The following MMAA variants were observed in gnomAD, a reference collection of about 807,000 sequenced individuals.
The protein encoded by MMAA is methylmalonic aciduria type A protein, mitochondrial.
A neutral mutation model predicts 45.0 loss-of-function variants in MMAA; 41 were observed. That is an observed-to-expected ratio of 0.91 (90% CI 0.71 to 1.18). The LOEUF (loss-of-function observed/expected upper bound fraction) is 1.18, where lower values mean the gene tolerates loss of function less well. Among genes scored for constraint, MMAA ranks in the 50% most tolerant of loss-of-function variants. The pLI is 0.00. For missense variants in MMAA, 460 were observed against 495.7 expected, an observed-to-expected ratio of 0.93 and a Z score of 0.68; for synonymous variants, 154 against 178.2, an observed-to-expected ratio of 0.86 and a Z score of 1.08.
intron 1 of MMAA, among the ~76,000 whole-genome samples, chr4:145,623,378 A>G (rs143930325): frequency 0.012 from 1,830 of 152,328 alleles, 21 homozygotes; most frequent in Non-Finnish European, 0.021. Context: ...TTTGAACCCC[A>G]CAGGTGTGTA....
chr4:145,620,549 C>T (rs562303822), intron 1 of MMAA, among the ~76,000 whole-genome samples: 1 of 152,280 alleles, frequency 6.6e-6, no homozygotes, highest in Admixed American at 6.5e-5. Flanking sequence ...TTAGTTAACA[C>T]ACACCTTCTG....
At position 145,655,666 on chromosome 4, in the gene MMAA, C is replaced by CCTG. The variant is rs1299899292; in HGVS notation, c.*233_*235dup. 5 of 431,004 alleles carry CCTG rather than the reference C, an allele frequency of 1.2e-5. No homozygotes were observed. The highest frequency in any genetic ancestry group is 2.0e-5 in the Non-Finnish European group (5 of 244,150). 26.7% of individuals were successfully genotyped at this position (431,004 alleles called of 1,614,324 possible). On this transcript the variant is annotated 3_prime_UTR_variant, in exon 7 of 7. Transcript: ENST00000649156. ...TATCTGTTTCCTTCTCTTCTTATAC[C>CCTG]CTGGCATGGTGGCCTGTAGGGTAGT...
At chr4:145,624,935 T>C in intron 1 of MMAA, 3 of 1,295,206 alleles carry the variant, frequency 2.3e-6, no homozygotes, top group Non-Finnish European at 3.4e-6. Flanking sequence ...ATTGCCCACG[T>C]TTTCCAACTC....
At chr4:145,621,091 G>T (rs953555082) in intron 1 of MMAA, among the ~76,000 whole-genome samples, 1 of 152,162 alleles carries the variant, frequency 6.6e-6, no homozygotes, top group Non-Finnish European at 1.5e-5. Context: ...TTTCTTAGAG[G>T]TGATTAGCAC....
intron 1 of MMAA, among the ~76,000 whole-genome samples, chr4:145,628,934 GA>G (rs751974242): frequency 4.6e-5 from 7 of 152,086 alleles, no homozygotes; most frequent in Non-Finnish European, 7.4e-5. Flanking sequence ...TAACATTTTT[GA>G]AAAAGGTGTC....
intron 1 of MMAA, among the ~76,000 whole-genome samples, chr4:145,635,567 G>T (rs1727588593): frequency 1.3e-5 from 2 of 152,190 alleles, no homozygotes; most frequent in African/African-American, 2.4e-5. Context: ...CTGCTATCGT[G>T]CTCTGACCCT....
intron 1 of MMAA, among the ~76,000 whole-genome samples, chr4:145,629,164 G>A (rs939791998): frequency 7.9e-5 from 12 of 151,882 alleles, no homozygotes; most frequent in African/African-American, 2.2e-4. Flanking sequence ...ACAGAGTCTC[G>A]CTGTCGCCCA....
chr4:145,630,906 C>T (rs1433506486), intron 1 of MMAA, among the ~76,000 whole-genome samples: 1 of 151,994 alleles, frequency 6.6e-6, no homozygotes, highest in Non-Finnish European at 1.5e-5. Flanking sequence ...CTTCATTGAC[C>T]CAGTGTTCAT....
rs33978754 is a variant in MMAA, at chr4:145,658,691, C to CAAAAAAA, written c.*3268_*3274dup. 2.3e-5 allele frequency: 2 copies of CAAAAAAA among 88,712 alleles called. No homozygotes were observed. The highest frequency in any genetic ancestry group is 3.6e-5 in the African/African-American group (1 of 27,404). 5.5% of individuals were successfully genotyped at this position (88,712 alleles called of 1,614,324 possible). On this transcript the variant is annotated 3_prime_UTR_variant, in exon 7 of 7. Coordinates refer to ENST00000649156, the MANE Select transcript of MMAA (RefSeq NM_172250.3). ...AATTTATGTAGTTGAACCTCTAAGG[C>CAAAAAAA]AAAAAAAAAAAAAAAAAGGAAAAAT...
chr4:145,645,199 G>A (rs192955548), intron 3 of MMAA, among the ~76,000 whole-genome samples: 1 of 152,272 alleles, frequency 6.6e-6, no homozygotes, highest in East Asian at 1.9e-4. Context: ...GGAGTGGAGG[G>A]TGCTCATGGA....
intron 2 of MMAA, among the ~76,000 whole-genome samples, chr4:145,641,773 G>A (rs1727791921): frequency 6.6e-6 from 1 of 152,188 alleles, no homozygotes; most frequent in African/African-American, 2.4e-5. Context: ...CAGGGTTTGT[G>A]CTCTTACCGG....
chr4:145,645,234 A>G (rs1174675378), intron 3 of MMAA, among the ~76,000 whole-genome samples: 2 of 152,192 alleles, frequency 1.3e-5, no homozygotes, highest in African/African-American at 4.8e-5. Flanking sequence ...GAGGGACACT[A>G]AAGTTCTCTT....
At position 145,639,169 on chromosome 4, in the gene MMAA, G is replaced by C. The variant is rs1398642545; in HGVS notation, c.30G>C (p.Gln10His). 1 of 1,614,070 alleles carries C rather than the reference G, an allele frequency of 6.2e-7. No homozygotes were observed. Among genetic ancestry groups the C allele is most frequent in the Non-Finnish European group, 8.5e-7 (1 of 1,180,008 alleles). The change falls in exon 2 of 7, where the codon CAG becomes CAC. Residue 10 changes from glutamine (Q) to histidine (H), a missense_variant. Transcript: ENST00000649156. ...CCATGCTGCTACCACATCCTCACCA[G>C]CATTTCCTAAAAGGCCTTTTAAGAG... MPMLLPHPH[Q>H]HFLKGLLRAP... is the part of the protein sequence containing the mutation.
At chr4:145,621,714 G>A (rs1311178683) in intron 1 of MMAA, among the ~76,000 whole-genome samples, 5 of 152,174 alleles carry the variant, frequency 3.3e-5, no homozygotes, top group African/African-American at 1.2e-4. Context: ...TACGAATTGT[G>A]CTGTGCTGCA....
chr4:145,625,146 C>G (rs1311916640), intron 1 of MMAA: 50 of 1,301,094 alleles, frequency 3.8e-5, no homozygotes, highest in Non-Finnish European at 5.1e-5. Flanking sequence ...TCAGGAAGCT[C>G]TAGATCTTCA....
intron 2 of MMAA, among the ~76,000 whole-genome samples, chr4:145,641,847 T>A (rs1560797157): frequency 1.3e-5 from 2 of 152,250 alleles, no homozygotes; most frequent in Admixed American, 1.3e-4. Flanking sequence ...ATTATTTTTT[T>A]CAGAATTCAG....
rs768786277 is a variant in MMAA, at chr4:145,639,624, C to G, written c.439+46C>G. On this transcript the variant is annotated intron_variant, in intron 2 of 6. Transcript: ENST00000649156. ...TTCTCAGTAAATATTTTTACAAATT[C>G]TCTGTATTCTGTTTTTTAAAAAAAA... 7.6e-6 allele frequency: 12 copies of G among 1,571,080 alleles called. No homozygotes were observed. The Admixed American group carries it at 2.1e-4, about 27-fold the overall frequency.
rs768964804 is a variant in MMAA at position 145,655,352 on chromosome 4, T to C, written c.1175T>C (p.Leu392Pro). The C allele has an allele frequency of 2.8e-5, 46 of 1,614,088 alleles. No individual in the cohort carries two copies. Among genetic ancestry groups the C allele is most frequent in the Non-Finnish European group, 3.9e-5 (46 of 1,180,020 alleles). ...ACAGTCCGGGAACAGATTCCACTTCTGGAACAAAAGGTTCTCATTGGGGCC... is the reference window on the plus strand; with the variant it reads ...ACAGTCCGGGAACAGATTCCACTTCCGGAACAAAAGGTTCTCATTGGGGCC... ...HPTVREQIPLLEQKVLIGALS... is the reference protein window; with the variant it reads ...HPTVREQIPLPEQKVLIGALS... Residue 392 changes from leucine to proline, a missense_variant, in exon 7 of 7, where the codon CTG becomes CCG. Transcript: ENST00000649156.
chr4:145,637,777 A>G (rs1727653935), intron 1 of MMAA, among the ~76,000 whole-genome samples: 1 of 152,254 alleles, frequency 6.6e-6, no homozygotes, highest in African/African-American at 2.4e-5. Flanking sequence ...TGGTGTAATT[A>G]AAATAAAAGC....
Sources: allele counts gnomAD v4.1 joint callset (sites outside exome capture counted in the v4.1 genomes callset), GRCh38; gene constraint gnomAD v4.1.1; transcripts MANE v1.5; gene names NCBI Gene and HGNC (gene_info 2026-07-23, HGNC 2026-07-21).